The following TLK2 variants were observed in gnomAD, a reference collection of about 807,000 sequenced individuals.
TLK2 encodes the protein serine/threonine-protein kinase tousled-like 2.
A neutral mutation model predicts 117.3 loss-of-function variants in TLK2; 6 were observed. That is an observed-to-expected ratio of 0.05 (90% CI 0.03 to 0.10). The LOEUF (loss-of-function observed/expected upper bound fraction) is 0.10. TLK2 is among the 10% of genes least tolerant of loss of function. The pLI is 1.00. For synonymous variants in TLK2, 257 were observed against 316.7 expected (o/e 0.81, Z 2.00); for missense variants, 299 against 901.2 (o/e 0.33, Z 8.56).
intron 2 of TLK2, among the ~76,000 whole-genome samples, chr17:62,502,028 A>ATTTTTTTTTTTTTTTTT (rs746988825): frequency 1.5e-5 from 2 of 134,304 alleles, no homozygotes; most frequent in African/African-American, 2.8e-5. Flanking sequence ...AAAAAATACC[A>ATTTTTTTTTTTTTTTTT]ATTTTTTTTT....
chr17:62,538,057 A>G (rs1456325135), intron 7 of TLK2, among the ~76,000 whole-genome samples: 3 of 97,020 alleles, frequency 3.1e-5, no homozygotes, highest in Non-Finnish European at 2.0e-5. Flanking sequence ...TTTTTTTGAG[A>G]TGGAGTCTGG....
At chr17:62,582,505 T>C (rs942481696) in intron 15 of TLK2, among the ~76,000 whole-genome samples, 1 of 152,196 alleles carries the variant, frequency 6.6e-6, no homozygotes, top group African/African-American at 2.4e-5. Context: ...AAGAATCAAC[T>C]TTTTTGTTGA....
At chr17:62,505,161 G>A (rs559917968) in intron 2 of TLK2, among the ~76,000 whole-genome samples, 2 of 152,146 alleles carry the variant, frequency 1.3e-5, no homozygotes, top group East Asian at 1.9e-4. Flanking sequence ...TTAAAAGTAC[G>A]TCACTCACAA....
intron 15 of TLK2, among the ~76,000 whole-genome samples, chr17:62,584,621 C>T (rs2146872864): frequency 6.6e-6 from 1 of 152,002 alleles, no homozygotes; most frequent in African/African-American, 2.4e-5. Context: ...TCAAAAACAG[C>T]CTGGCAAACA....
intron 7 of TLK2, among the ~76,000 whole-genome samples, chr17:62,546,161 C>T (rs1205775431): frequency 2.6e-5 from 4 of 151,968 alleles, no homozygotes; most frequent in Non-Finnish European, 5.9e-5. Context: ...GGATTACAGT[C>T]ATGAGCCACC....
At chr17:62,520,570 G>C (rs536243715) in intron 2 of TLK2, among the ~76,000 whole-genome samples, 1 of 151,458 alleles carries the variant, frequency 6.6e-6, no homozygotes, top group Non-Finnish European at 1.5e-5. Context: ...CCAGCTACTC[G>C]AGAGGCTGAG....
intron 2 of TLK2, among the ~76,000 whole-genome samples, chr17:62,502,972 G>A (rs1015781697): frequency 9.2e-5 from 14 of 151,480 alleles, no homozygotes; most frequent in South Asian, 2.1e-4. Flanking sequence ...ACATTGACCC[G>A]TGCCCTCATA....
chr17:62,519,096 G>A (rs1439422100), intron 2 of TLK2, among the ~76,000 whole-genome samples: 1 of 152,134 alleles, frequency 6.6e-6, no homozygotes, highest in Non-Finnish European at 1.5e-5. Flanking sequence ...TGTTGGCCAG[G>A]CTGGTCTCTA....
At chr17:62,480,011 T>C (rs558267278) in intron 1 of TLK2, among the ~76,000 whole-genome samples, 5 of 152,386 alleles carry the variant, frequency 3.3e-5, no homozygotes, top group South Asian at 2.1e-4. Flanking sequence ...TTCCTAATTC[T>C]CTCTCTAACC....
intron 3 of TLK2, among the ~76,000 whole-genome samples, chr17:62,521,723 C>T (rs971244419): frequency 1.3e-5 from 2 of 152,104 alleles, no homozygotes; most frequent in Non-Finnish European, 2.9e-5. Context: ...TCACAGCCCT[C>T]ATGCATGAGA....
intron 2 of TLK2, among the ~76,000 whole-genome samples, chr17:62,498,600 AG>A (rs2073922876): frequency 1.3e-5 from 2 of 152,112 alleles, no homozygotes; most frequent in Admixed American, 1.3e-4. Flanking sequence ...CATTTTGCCC[AG>A]GCTGGTCTCG....
At chr17:62,594,482 G>A (rs1223045478) in intron 16 of TLK2, among the ~76,000 whole-genome samples, 1 of 152,110 alleles carries the variant, frequency 6.6e-6, no homozygotes, top group Non-Finnish European at 1.5e-5. Context: ...CAACTTTAAG[G>A]GAAACAAGGT....
intron 2 of TLK2, among the ~76,000 whole-genome samples, chr17:62,499,047 A>G (rs1189549901): frequency 6.6e-6 from 1 of 151,838 alleles, no homozygotes; most frequent in African/African-American, 2.4e-5. Context: ...TATTTTTTGT[A>G]AAGACGAGGT....
At chr17:62,533,986 T>C (rs1401899332) in intron 6 of TLK2, among the ~76,000 whole-genome samples, 2 of 152,184 alleles carry the variant, frequency 1.3e-5, no homozygotes, top group African/African-American at 2.4e-5. Flanking sequence ...TCACAACTTA[T>C]ATATCTATAT....
At chr17:62,511,967 G>T (rs1336476483) in intron 2 of TLK2, among the ~76,000 whole-genome samples, 6 of 152,088 alleles carry the variant, frequency 3.9e-5, no homozygotes, top group Middle Eastern at 3.2e-3. Context: ...AGTTTTAAGT[G>T]CATTTTTAGT....
At chr17:62,561,726 A>G (rs1402188666) in intron 10 of TLK2, among the ~76,000 whole-genome samples, 3 of 152,236 alleles carry the variant, frequency 2.0e-5, no homozygotes, top group Non-Finnish European at 4.4e-5. Flanking sequence ...TGACTCATTA[A>G]TCAACTTTAT....
Position 62,503,121 on chromosome 17 carries a change from G to A in TLK2, c.82-17652G>A, listed in dbSNP as rs1380769917. ...CTCGCCCAGGCTGGAGTGCAGTGGC[G>A]CGATCTTGGCTCACGGCAAGCTCCG... On this transcript the variant is annotated intron_variant, in intron 2 of 21. Transcript: ENST00000346027. Among the ~76,000 whole-genome samples the A allele has an allele frequency of 5.6e-5, 8 of 142,718 alleles. No individual in the cohort carries two copies. The South Asian group carries it at 1.1e-3, about 20-fold the overall frequency. The allele number at this position is 142,718 out of a possible 152,430, so 93.6% of individuals were successfully genotyped here.
chr17:62,489,389 A>G (rs2144644910), intron 2 of TLK2, among the ~76,000 whole-genome samples: 1 of 151,970 alleles, frequency 6.6e-6, no homozygotes, highest in Non-Finnish European at 1.5e-5. Flanking sequence ...TTGTATTTTT[A>G]GTAGAGATGG....
intron 21 of TLK2, among the ~76,000 whole-genome samples, chr17:62,609,166 C>T (rs1016896329): frequency 6.6e-6 from 1 of 152,136 alleles, no homozygotes; most frequent in Non-Finnish European, 1.5e-5. Flanking sequence ...ACCACAGCCT[C>T]GACCTCCCCA....
Sources: gnomAD v4.1 joint callset for allele counts (sites outside exome capture counted in the v4.1 genomes callset) on GRCh38, gnomAD v4.1.1 for gene constraint, MANE v1.5 for transcripts, NCBI Gene and HGNC (gene_info 2026-07-23, HGNC 2026-07-21) for gene names.